Variants in GTF2IRD1 observed in about 807,000 individuals in gnomAD.
GTF2IRD1 encodes the protein general transcription factor II-I repeat domain-containing protein 1.
In GTF2IRD1, 26 loss-of-function variants were observed where a neutral mutation model predicts 113.2. The observed-to-expected ratio is 0.23, with a 90% confidence interval of 0.17 to 0.32. GTF2IRD1 has a LOEUF of 0.32. Among genes scored for constraint, GTF2IRD1 ranks in the 10% least tolerant of loss-of-function variants. The pLI, the probability that GTF2IRD1 is intolerant of heterozygous loss-of-function variation, is 1.00. For synonymous variants in GTF2IRD1, 484 were observed against 529.1 expected (o/e 0.91, Z 1.17); for missense variants, 864 against 1,280.8 (o/e 0.67, Z 4.97).
Position 74,555,782 on chromosome 7 carries a change from T to C in GTF2IRD1, c.2023+288T>C, listed in dbSNP as rs1799555714. 6.6e-6 allele frequency among the ~76,000 whole-genome samples: 1 copy of C among 152,172 alleles called. No individual in the cohort carries two copies. Among genetic ancestry groups the C allele is most frequent in the Admixed American group, 6.6e-5 (1 of 15,266 alleles). On this transcript the variant is annotated intron_variant, in intron 19 of 26. Coordinates refer to ENST00000424337, the MANE Select transcript of GTF2IRD1 (RefSeq NM_005685.4). The surrounding 1 kb of genome is among the most constrained non-coding windows in gnomAD (Gnocchi z 5.3). ...GAGGTAGCTGACACGCCCACTCCTT[T>C]TTCAGCAATCAGCTGTGGTCTTAGT...
At chr7:74,579,793 C>A (rs1172272540) in intron 22 of GTF2IRD1, among the ~76,000 whole-genome samples, 1 of 151,984 alleles carries the variant, frequency 6.6e-6, no homozygotes, top group Non-Finnish European at 1.5e-5. Flanking sequence ...GCCCAGGCTA[C>A]ATTTTTTTTT....
chr7:74,478,008 T>C (rs1028264959), intron 1 of GTF2IRD1, among the ~76,000 whole-genome samples: 2 of 152,182 alleles, frequency 1.3e-5, no homozygotes, highest in Non-Finnish European at 2.9e-5. Context: ...TTCCTCCCAC[T>C]GTCTCCTGAC....
At chr7:74,560,980 A>AT (rs1554358880) in intron 22 of GTF2IRD1, among the ~76,000 whole-genome samples, 1 of 152,066 alleles carries the variant, frequency 6.6e-6, no homozygotes, top group African/African-American at 2.4e-5. Context: ...CTGCAGGGTG[A>AT]TCCCAAACCC....
At chr7:74,513,583 A>G (rs143095492) in intron 3 of GTF2IRD1, among the ~76,000 whole-genome samples, 7 of 152,194 alleles carry the variant, frequency 4.6e-5, no homozygotes, top group African/African-American at 1.7e-4. Flanking sequence ...GGGATTACAG[A>G]TGTGAGCCGC....
chr7:74,550,165 C>T (rs1235950140), intron 17 of GTF2IRD1, among the ~76,000 whole-genome samples: 1 of 152,094 alleles, frequency 6.6e-6, no homozygotes, highest in Non-Finnish European at 1.5e-5. Flanking sequence ...TCCTGCATTT[C>T]AGCCTGGGGG....
intron 22 of GTF2IRD1, among the ~76,000 whole-genome samples, chr7:74,575,212 C>T (rs961107526): frequency 6.6e-6 from 1 of 152,088 alleles, no homozygotes; most frequent in Non-Finnish European, 1.5e-5. Flanking sequence ...TAGGAGATTG[C>T]AACATTATTT....
intron 25 of GTF2IRD1, among the ~76,000 whole-genome samples, chr7:74,597,061 G>C (rs1182785287): frequency 6.7e-6 from 1 of 149,786 alleles, no homozygotes; most frequent in African/African-American, 2.5e-5. Context: ...TTTTTTTTCC[G>C]AGACAGCGTC....
chr7:74,601,314 C>T (rs1554374032), intron 26 of GTF2IRD1, 134 bp downstream of exon 26: 1 of 1,541,970 alleles, frequency 6.5e-7, no homozygotes. Context: ...ACCTTCCGGC[C>T]TCGGGGGTTA....
chr7:74,471,891 C>T (rs1554332503), intron 1 of GTF2IRD1, among the ~76,000 whole-genome samples: 1 of 151,988 alleles, frequency 6.6e-6, no homozygotes, highest in Non-Finnish European at 1.5e-5. Context: ...GCTCAGGAGG[C>T]TGAGGCAGGA....
chr7:74,524,985 T>C (rs1797518832), intron 8 of GTF2IRD1, among the ~76,000 whole-genome samples: 2 of 152,068 alleles, frequency 1.3e-5, no homozygotes, highest in African/African-American at 4.8e-5. Context: ...TACAGTGAGC[T>C]ACGATTGTAC....
chr7:74,529,531 C>T lies in GTF2IRD1; in HGVS notation c.1091-203C>T, dbSNP rs181219470. 2.6e-3 allele frequency among the ~76,000 whole-genome samples: 399 copies of T among 152,160 alleles called. 3 individuals are homozygous for T. The highest frequency in any genetic ancestry group is 9.0e-3 in the African/African-American group (375 of 41,542). On this transcript the variant is annotated intron_variant, in intron 8 of 26. Coordinates refer to ENST00000424337, the MANE Select transcript of GTF2IRD1 (RefSeq NM_005685.4). ...TCAGCCTCCCGGAGTGCTGGAATTACAGGCATGAGTCACCGCACCCAGCCC... is the reference window on the plus strand; with the variant it reads ...TCAGCCTCCCGGAGTGCTGGAATTATAGGCATGAGTCACCGCACCCAGCCC...
At chr7:74,485,225 G>A (rs1434300467) in intron 1 of GTF2IRD1, among the ~76,000 whole-genome samples, 1 of 152,168 alleles carries the variant, frequency 6.6e-6, no homozygotes, top group Non-Finnish European at 1.5e-5. Flanking sequence ...TGCTGCAGGA[G>A]AAACCTGGAA....
chr7:74,530,536 A>G (rs1583807366), intron 9 of GTF2IRD1, among the ~76,000 whole-genome samples: 1 of 84,752 alleles, frequency 1.2e-5, no homozygotes, highest in African/African-American at 4.8e-5. Context: ...GGATCTTGCT[A>G]TATTGCCCAG....
At chr7:74,528,086 A>G (rs1797710891) in intron 8 of GTF2IRD1, among the ~76,000 whole-genome samples, 2 of 152,304 alleles carry the variant, frequency 1.3e-5, no homozygotes, top group South Asian at 4.1e-4. Context: ...TCACCTGTGC[A>G]ACTACTCGCC....
At chr7:74,540,200 G>A (rs112866799) in intron 14 of GTF2IRD1, among the ~76,000 whole-genome samples, 28,395 of 152,128 alleles carry the variant, frequency 0.19, 2,796 homozygotes, top group Middle Eastern at 0.21. Flanking sequence ...AGGCTGGAGT[G>A]CAGTGGCACG....
rs1354797372 is a variant in GTF2IRD1, at chr7:74,548,716, C to G, written c.1916+1430C>G. 2.6e-5 allele frequency among the ~76,000 whole-genome samples: 4 copies of G among 151,920 alleles called. No individual in the cohort carries two copies. The East Asian group carries it at 7.7e-4, about 29-fold the overall frequency. On this transcript the variant is annotated intron_variant, in intron 17 of 26. Transcript: ENST00000424337. ...GCCAGGAGTTCAAGACTAGCATGGG[C>G]AACATAACAAGACCCCATCTCTACA... is the stretch of plus-strand genomic sequence containing the variant.
At chr7:74,557,022 C>T (rs1476521980) in intron 19 of GTF2IRD1, among the ~76,000 whole-genome samples, 2 of 152,114 alleles carry the variant, frequency 1.3e-5, no homozygotes, top group African/African-American at 2.4e-5. Context: ...AGGCAGATCA[C>T]TTGAGCTTGG....
chr7:74,492,239 C>T (rs1039643903), intron 1 of GTF2IRD1, among the ~76,000 whole-genome samples: 17 of 150,534 alleles, frequency 1.1e-4, no homozygotes, highest in South Asian at 6.3e-4. Flanking sequence ...GGCGTGATCT[C>T]GGCTCACCGC....
chr7:74,579,634 A>G (rs1554365589), intron 22 of GTF2IRD1, among the ~76,000 whole-genome samples: 4 of 152,052 alleles, frequency 2.6e-5, no homozygotes, highest in African/African-American at 9.6e-5. Flanking sequence ...AAAAAAAAAA[A>G]AACTACAGTT....
Sources: gnomAD v4.1 joint callset for allele counts (sites outside exome capture counted in the v4.1 genomes callset) on GRCh38, gnomAD v4.1.1 for gene constraint, Gnocchi (gnomAD v3.1) non-coding constraint, MANE v1.5 for transcripts, NCBI Gene and HGNC (gene_info 2026-07-23, HGNC 2026-07-21) for gene names.